COBL: variants seen among roughly 807,000 people sequenced by gnomAD.
COBL encodes the protein protein cordon-bleu.
Under a neutral mutation model 98.8 loss-of-function variants are expected in COBL, and 51 were observed. The observed-to-expected ratio is 0.52, with a 90% CI of 0.41 to 0.65. The LOEUF is 0.65. Among genes scored for constraint, COBL ranks in the 30% least tolerant of loss-of-function variants. The probability of loss-of-function intolerance (pLI) is 0.00; values close to 1 mark genes in which losing one functional copy is unlikely to be tolerated. For missense variants in COBL, 1,617 were observed against 1,617.5 expected, an observed-to-expected ratio of 1.00 and a Z score of 0.01; for synonymous variants, 634 against 651.7, an observed-to-expected ratio of 0.97 and a Z score of 0.41.
intron 8 of COBL, among the ~76,000 whole-genome samples, 197 bp downstream of exon 8, chr7:51,043,186 C>A (rs1228199743): frequency 2.0e-5 from 3 of 152,206 alleles, no homozygotes; most frequent in South Asian, 2.1e-4. Context: ...GCCACTCTTA[C>A]ACAGTCTTTG....
chr7:51,222,382 T>G (rs1188298197), intron 1 of COBL, among the ~76,000 whole-genome samples: 1 of 152,204 alleles, frequency 6.6e-6, no homozygotes, highest in Non-Finnish European at 1.5e-5. Flanking sequence ...GGCACCATTG[T>G]AAGGACTAAA....
At chr7:51,090,097 C>T (rs1047270864) in intron 6 of COBL, among the ~76,000 whole-genome samples, 1 of 152,106 alleles carries the variant, frequency 6.6e-6, no homozygotes, top group Non-Finnish European at 1.5e-5. Context: ...TTTACTAAAA[C>T]TCCTCAGGTA....
intron 1 of COBL, among the ~76,000 whole-genome samples, chr7:51,279,338 G>A (rs1250011829): frequency 6.6e-6 from 1 of 152,172 alleles, no homozygotes; most frequent in African/African-American, 2.4e-5. Context: ...TACTTCCAAC[G>A]TGCATTATAC....
At chr7:51,075,641 T>A (rs1212764919) in intron 7 of COBL, among the ~76,000 whole-genome samples, 1 of 152,208 alleles carries the variant, frequency 6.6e-6, no homozygotes, top group African/African-American at 2.4e-5. Context: ...TCTGCTTTTA[T>A]GAGCTGGCAA....
intron 5 of COBL, among the ~76,000 whole-genome samples, chr7:51,145,215 C>A (rs1159121103): frequency 6.6e-6 from 1 of 151,968 alleles, no homozygotes; most frequent in Admixed American, 6.6e-5. Context: ...AGGGTTTCAC[C>A]ATGTTGGCCA....
rs75207469 is a variant in COBL at position 51,030,873 on chromosome 7, T to G, written c.1443A>C (p.Glu481Asp). ...EKAVTASNDE[E>D]DLLIAGEFRK... is the part of the protein sequence containing the mutation. ...GGAACTCTCCAGCAATTAATAGGTC[T>G]TCTTCATCATTTGAGGCTGTGACAG... is the stretch of plus-strand genomic sequence containing the variant. Residue 481 changes from glutamate (E) to aspartate (D), a missense_variant, in exon 9 of 13, where the codon GAA (glutamate) becomes GAC (aspartate). Coordinates refer to ENST00000265136, the MANE Select transcript of COBL (RefSeq NM_015198.5). The G allele has an allele frequency of 2.7e-6, 2 of 746,416 alleles. No individual in the cohort carries two copies. The highest frequency in any genetic ancestry group is 7.5e-5 in the East Asian group (1 of 13,246). 46.2% of individuals were successfully genotyped at this position (746,416 alleles called of 1,614,324 possible).
At chr7:51,313,239 T>C (rs1267797602) in intron 1 of COBL, among the ~76,000 whole-genome samples, 1 of 151,460 alleles carries the variant, frequency 6.6e-6, no homozygotes, top group African/African-American at 2.4e-5. Context: ...TGGTGTAGAG[T>C]TAATATTTTC....
intron 1 of COBL, among the ~76,000 whole-genome samples, chr7:51,278,053 A>G (rs1371900956): frequency 6.6e-6 from 1 of 152,192 alleles, no homozygotes; most frequent in African/African-American, 2.4e-5. Context: ...GGGACGTCTC[A>G]ACTACAATCA....
intron 5 of COBL, among the ~76,000 whole-genome samples, chr7:51,137,634 T>A (rs143163495): frequency 6.7e-4 from 102 of 152,068 alleles, no homozygotes; most frequent in African/African-American, 2.4e-3. Flanking sequence ...ACCCAATATG[T>A]GTTAGCTATT....
intron 6 of COBL, among the ~76,000 whole-genome samples, chr7:51,101,412 T>A (rs950402015): frequency 6.6e-6 from 1 of 152,244 alleles, no homozygotes; most frequent in African/African-American, 2.4e-5. Flanking sequence ...GAGGTAATTT[T>A]ACTATATCTA....
intron 6 of COBL, among the ~76,000 whole-genome samples, chr7:51,125,777 T>C (rs867554565): frequency 1.3e-5 from 2 of 152,324 alleles, no homozygotes; most frequent in African/African-American, 4.8e-5. Flanking sequence ...TTTTTTTCTA[T>C]AGTCAACTAA....
At chr7:51,139,427 CT>C (rs879443331) in intron 5 of COBL, among the ~76,000 whole-genome samples, 1 of 152,174 alleles carries the variant, frequency 6.6e-6, no homozygotes. Context: ...AGACAATGGG[CT>C]CCTCATGAGG....
At position 51,237,538 on chromosome 7, in the gene COBL, TA is replaced by T. The variant is rs5884200; in HGVS notation, c.42-17595del. Among the ~76,000 whole-genome samples, 122 of 132,746 alleles carry T rather than the reference TA, an allele frequency of 9.2e-4. 2 individuals carry two copies. In the Middle Eastern group the frequency reaches 0.026, roughly 28 times the overall value. 87.1% of individuals were successfully genotyped at this position (132,746 alleles called of 152,430 possible). A position where few individuals can be genotyped will look rare whatever the true frequency, so the allele number is the denominator to read the frequency against. ...GAGTCCCTTAACCCTTTTTTTTTCT[TA>T]AAAAAAAAAAAAAAAAACTTCCAAA... On this transcript the variant is annotated intron_variant, in intron 1 of 12. Transcript: ENST00000265136.
chr7:51,068,230 TA>T (rs746391804), intron 7 of COBL, among the ~76,000 whole-genome samples: 7 of 152,328 alleles, frequency 4.6e-5, no homozygotes, highest in Non-Finnish European at 7.4e-5. Flanking sequence ...AAAACTTGGA[TA>T]GGGGAGAAAT....
At chr7:51,089,029 T>C (rs1794554566) in intron 6 of COBL, among the ~76,000 whole-genome samples, 1 of 152,132 alleles carries the variant, frequency 6.6e-6, no homozygotes, top group African/African-American at 2.4e-5. Flanking sequence ...GGCAGGGGTA[T>C]GGAGATCTTA....
chr7:51,130,399 C>T (rs1798631271), intron 6 of COBL, among the ~76,000 whole-genome samples: 2 of 152,200 alleles, frequency 1.3e-5, no homozygotes, highest in East Asian at 1.9e-4. Context: ...CAATTCACCA[C>T]CACCACAAGC....
At chr7:51,285,416 TAG>T (rs1800265411) in intron 1 of COBL, among the ~76,000 whole-genome samples, 2 of 148,802 alleles carry the variant, frequency 1.3e-5, no homozygotes, top group Non-Finnish European at 3.0e-5. Flanking sequence ...ACAGAATTGA[TAG>T]AGTTTAAAGC....
chr7:51,289,782 C>T lies in COBL; in HGVS notation c.41+26811G>A, dbSNP rs1021530076. 3.9e-5 allele frequency among the ~76,000 whole-genome samples: 6 copies of T among 152,214 alleles called. No homozygotes were observed. The East Asian group carries it at 5.8e-4, about 15-fold the overall frequency. On this transcript the variant is annotated intron_variant, in intron 1 of 12. Coordinates refer to ENST00000265136, the MANE Select transcript of COBL (RefSeq NM_015198.5). ...AACAATGACGCCTCCTTTGAGGAAA[C>T]GCAACTTGTCCTACTTTCAATAATG...
intron 6 of COBL, among the ~76,000 whole-genome samples, chr7:51,109,964 CTCT>C (rs998712676): frequency 3.9e-5 from 6 of 152,194 alleles, no homozygotes; most frequent in Admixed American, 6.5e-5. Context: ...ACTGCTTGGC[CTCT>C]TCTTTTTTCT....
Sources: allele counts gnomAD v4.1 joint callset (sites outside exome capture counted in the v4.1 genomes callset), GRCh38; gene constraint gnomAD v4.1.1; transcripts MANE v1.5; gene names NCBI Gene and HGNC (gene_info 2026-07-23, HGNC 2026-07-21).